Variants in HADHA observed in about 807,000 individuals in gnomAD.
The protein encoded by HADHA is hydroxyacyl-CoA dehydrogenase trifunctional multienzyme complex subunit alpha.
In HADHA, 59 loss-of-function variants were observed where a neutral mutation model predicts 91.3. The ratio of observed to expected loss-of-function variants is 0.65; its 90% confidence interval spans 0.52 to 0.80. HADHA has a LOEUF of 0.80. Ranked by LOEUF, HADHA falls within the 30% of genes least tolerant of loss-of-function variation. HADHA has a pLI of 0.00. For missense variants in HADHA, 800 were observed against 927.6 expected, an observed-to-expected ratio of 0.86 and a Z score of 1.79; for synonymous variants, 320 against 338.9, an observed-to-expected ratio of 0.94 and a Z score of 0.61.
chr2:26,224,729 G>GATGT (rs1360408558), intron 7 of HADHA, among the ~76,000 whole-genome samples: 1 of 152,208 alleles, frequency 6.6e-6, no homozygotes, highest in Non-Finnish European at 1.5e-5. Flanking sequence ...GGCTTTAGGA[G>GATGT]ATGTGTATGG....
chr2:26,210,023 G>A lies in HADHA; in HGVS notation c.976-134C>T, dbSNP rs1670062661. On this transcript the variant is annotated intron_variant, in intron 10 of 19. Coordinates refer to ENST00000380649, the MANE Select transcript of HADHA (RefSeq NM_000182.5). The surrounding 1 kb of genome is among the most constrained non-coding windows in gnomAD (Gnocchi z 4.0). ...AGTCCCTGGGGATGCGGGGGAGTTT[G>A]GGGGTTCAGTGCTGCAGAAGTCTGT... 2.8e-6 allele frequency: 2 copies of A among 710,586 alleles called. No homozygotes were observed. The highest frequency in any genetic ancestry group is 5.2e-6 in the Non-Finnish European group (2 of 388,152). The allele number at this position is 710,586 out of a possible 1,614,324, so 44.0% of individuals were successfully genotyped here. A position where few individuals can be genotyped will look rare whatever the true frequency, so the allele number is the denominator to read the frequency against.
intron 13 of HADHA, among the ~76,000 whole-genome samples, chr2:26,200,086 T>C (rs974952238): frequency 1.3e-5 from 2 of 152,224 alleles, no homozygotes; most frequent in African/African-American, 4.8e-5. Flanking sequence ...CTGTGGAAGA[T>C]TGTCCAAGGA....
chr2:26,238,557 G>C (rs902038103), intron 3 of HADHA, among the ~76,000 whole-genome samples: 18 of 152,276 alleles, frequency 1.2e-4, no homozygotes, highest in Non-Finnish European at 2.6e-4. Context: ...ACTATGAATA[G>C]TGACTTATGT....
intron 11 of HADHA, among the ~76,000 whole-genome samples, chr2:26,207,570 G>A (rs993256173): frequency 1.6e-4 from 24 of 152,006 alleles, no homozygotes; most frequent in African/African-American, 5.3e-4. Flanking sequence ...CACAATCTAC[G>A]GAATCCTTCT....
Position 26,201,247 on chromosome 2 carries a change from GC to G in HADHA, c.1293del (p.Gln432SerfsTer13). 6.2e-7 allele frequency: 1 copy of G among 1,611,180 alleles called. No individual in the cohort carries two copies. The highest frequency in any genetic ancestry group is 8.5e-7 in the Non-Finnish European group (1 of 1,177,310). On this transcript the variant is annotated frameshift_variant, in exon 13 of 20. Transcript: ENST00000380649. LOFTEE classifies it high-confidence loss of function. ...ERDSIFSNLT[G>X]QLDYQGFEKA... Reference sequence around the variant, plus strand: ...TTTTCAAAACCTTGGTAATCAAGCTGCCCAGTCAAGTTGCTGAAGATGGAAT... The same window carrying G: ...TTTTCAAAACCTTGGTAATCAAGCTGCCAGTCAAGTTGCTGAAGATGGAAT...
Position 26,201,198 on chromosome 2 carries a change from A to G in HADHA, c.1343T>C (p.Val448Ala), listed in dbSNP as rs772943800. Residue 448 changes from valine to alanine, a missense_variant, in exon 13 of 20, where the codon GTG becomes GCG. Coordinates refer to ENST00000380649, the MANE Select transcript of HADHA (RefSeq NM_000182.5). ...GTGCTTAAGACTAAGGTCCTCAAACACAGCTTCAATCACCATGTCGGCCTT... is the reference window on the plus strand; with the variant it reads ...GTGCTTAAGACTAAGGTCCTCAAACGCAGCTTCAATCACCATGTCGGCCTT... ...FEKADMVIEA[V>A]FEDLSLKHRV... 1.2e-6 allele frequency: 2 copies of G among 1,614,036 alleles called. No homozygotes were observed. The highest frequency in any genetic ancestry group is 1.1e-5 in the South Asian group (1 of 91,072).
At chr2:26,208,746 G>A (rs1173246202) in intron 11 of HADHA, among the ~76,000 whole-genome samples, 2 of 152,122 alleles carry the variant, frequency 1.3e-5, no homozygotes, top group African/African-American at 2.4e-5. Context: ...CCTGCTCATC[G>A]AATGCAAGGT....
intron 12 of HADHA, among the ~76,000 whole-genome samples, chr2:26,201,992 G>T (rs1479512844): frequency 6.6e-6 from 1 of 150,834 alleles, no homozygotes; most frequent in African/African-American, 2.4e-5. Flanking sequence ...GTAGAGATGG[G>T]GTTTCACCAT....
intron 14 of HADHA, 31 bp from the exon 15 acceptor site, chr2:26,195,263 G>C: frequency 6.3e-7 from 1 of 1,594,528 alleles, no homozygotes; most frequent in Non-Finnish European, 8.6e-7. Flanking sequence ...CCAACAGATC[G>C]GAGAATGCGG....
chr2:26,199,529 A>G (rs1669774993), intron 13 of HADHA, among the ~76,000 whole-genome samples: 1 of 152,180 alleles, frequency 6.6e-6, no homozygotes, highest in Non-Finnish European at 1.5e-5. Flanking sequence ...GCTGGCTGGC[A>G]AACATTCTTC....
intron 6 of HADHA, among the ~76,000 whole-genome samples, chr2:26,231,018 C>T (rs1182177568): frequency 6.6e-6 from 1 of 151,450 alleles, no homozygotes; most frequent in East Asian, 1.9e-4. Context: ...TTAAGCTTAA[C>T]AAAAATAGAA....
chr2:26,200,913 T>C (rs1669814497), intron 13 of HADHA, among the ~76,000 whole-genome samples: 1 of 152,020 alleles, frequency 6.6e-6, no homozygotes, highest in Admixed American at 6.5e-5. Context: ...TTGTATTTTC[T>C]AGTAGAGATG....
At chr2:26,231,360 G>A (rs978507758) in intron 6 of HADHA, among the ~76,000 whole-genome samples, 27 of 152,282 alleles carry the variant, frequency 1.8e-4, no homozygotes, top group African/African-American at 6.5e-4. Flanking sequence ...GGGCCCTTGA[G>A]TTGACATTAA....
rs192610165 is a variant in HADHA at position 26,210,653 on chromosome 2, G to C, written c.976-764C>G. The C allele has an allele frequency of 6.6e-6, 1 of 152,220 alleles. No homozygotes were observed. Among genetic ancestry groups the C allele is most frequent in the Admixed American group, 6.5e-5 (1 of 15,280 alleles). 9.4% of individuals were successfully genotyped at this position (152,220 alleles called of 1,614,324 possible). Reference sequence around the variant, plus strand: ...GCCACCGTGCCTCGCCTCGAACTCCGGTTCTTTTTCCACTGTAGCAGGCTG... The same window carrying C: ...GCCACCGTGCCTCGCCTCGAACTCCCGTTCTTTTTCCACTGTAGCAGGCTG... On this transcript the variant is annotated intron_variant, in intron 10 of 19. Transcript: ENST00000380649. This position sits in a 1 kb window ranked among gnomAD's most constrained non-coding sequence, Gnocchi z 4.0.
intron 4 of HADHA, 70 bp downstream of exon 4, chr2:26,236,785 G>C (rs558371535): frequency 5.3e-5 from 65 of 1,222,398 alleles, no homozygotes; most frequent in Middle Eastern, 5.4e-4. Flanking sequence ...TTTAAAAGGA[G>C]AAATTATTAG....
Position 26,209,866 on chromosome 2 carries a change from G to C in HADHA, c.999C>G (p.Thr333=). 2 of 1,594,528 alleles carry C rather than the reference G, an allele frequency of 1.3e-6. No homozygotes were observed. Among genetic ancestry groups the C allele is most frequent in the Non-Finnish European group, 1.7e-6 (2 of 1,162,246 alleles). Reference sequence around the variant, plus strand: ...GTCCCATCAAGGCCTTTGATTCTTTGGTCATTACAAGCTCTCCAAATTTCT... The same window carrying C: ...GTCCCATCAAGGCCTTTGATTCTTTCGTCATTACAAGCTCTCCAAATTTCT... The part of the protein sequence containing the change: ...ESQKFGELVM[T]KESKALMGLY... The change falls in exon 11 of 20, where the codon ACC becomes ACG. Residue 333 remains threonine (T), a synonymous_variant. Coordinates refer to ENST00000380649, the MANE Select transcript of HADHA (RefSeq NM_000182.5).
rs147704569 is a variant in HADHA at position 26,243,827 on chromosome 2, G to A, written c.67+703C>T. Among the ~76,000 whole-genome samples, 148 of 152,282 alleles carry A rather than the reference G, an allele frequency of 9.7e-4. 1 individual carries two copies. The highest frequency in any genetic ancestry group is 3.2e-3 in the African/African-American group (135 of 41,554). On this transcript the variant is annotated intron_variant, in intron 1 of 19. Transcript: ENST00000380649. ...AAAAGGAAAAACACTAGCTAATACA[G>A]GCTGACTGGGAATCATCAGATTACA...
intron 7 of HADHA, among the ~76,000 whole-genome samples, chr2:26,227,953 C>A (rs2147778397): frequency 6.6e-6 from 1 of 151,790 alleles, no homozygotes; most frequent in African/African-American, 2.4e-5. Flanking sequence ...GTAGCCAGGA[C>A]TACAGGCATG....
At chr2:26,227,543 A>G (rs1314117722) in intron 7 of HADHA, among the ~76,000 whole-genome samples, 1 of 151,892 alleles carries the variant, frequency 6.6e-6, no homozygotes, top group East Asian at 1.9e-4. Flanking sequence ...AACTGTTACT[A>G]CATTCCTGTT....
Sources: gnomAD v4.1 joint callset for allele counts (sites outside exome capture counted in the v4.1 genomes callset) on GRCh38, gnomAD v4.1.1 for gene constraint, Gnocchi (gnomAD v3.1) non-coding constraint, MANE v1.5 for transcripts, NCBI Gene and HGNC (gene_info 2026-07-23, HGNC 2026-07-21) for gene names.